The following PCDH15 variants were observed in gnomAD, a reference collection of about 807,000 sequenced individuals.
The protein encoded by PCDH15 is protocadherin related 15.
Under a neutral mutation model 178.5 loss-of-function variants are expected in PCDH15, and 129 were observed. The observed-to-expected ratio is 0.72, with a 90% confidence interval of 0.63 to 0.84. The LOEUF (loss-of-function observed/expected upper bound fraction) is 0.84. Among genes scored for constraint, PCDH15 ranks in the 40% least tolerant of loss-of-function variants. The probability of loss-of-function intolerance (pLI) is 0.00; values close to 1 mark genes in which losing one functional copy is unlikely to be tolerated. For synonymous variants in PCDH15, 800 were observed against 732.0 expected, an observed-to-expected ratio of 1.09 and a Z score of -1.50; for missense variants, 2,230 against 2,099.9, an observed-to-expected ratio of 1.06 and a Z score of -1.21.
intron 8 of PCDH15, among the ~76,000 whole-genome samples, chr10:54,291,500 CA>C (rs752495225): frequency 1.3e-5 from 2 of 152,046 alleles, no homozygotes; most frequent in African/African-American, 4.8e-5. Flanking sequence ...GATAGGGACA[CA>C]AAAAACCCTC....
intron 2 of PCDH15, among the ~76,000 whole-genome samples, chr10:54,570,794 G>A (rs1019411645): frequency 1.3e-5 from 2 of 150,840 alleles, no homozygotes; most frequent in African/African-American, 4.9e-5. Flanking sequence ...CTGGGATGCA[G>A]GCATGTGCCA....
At chr10:54,468,686 G>A (rs765410173) in intron 3 of PCDH15, among the ~76,000 whole-genome samples, 2 of 152,082 alleles carry the variant, frequency 1.3e-5, no homozygotes, top group Non-Finnish European at 2.9e-5. Flanking sequence ...CAATTTAAAG[G>A]CAATGTTTCT....
rs537194534 is a variant in PCDH15, at chr10:54,172,380, C to T, written c.1590+11064G>A. 5.3e-5 allele frequency among the ~76,000 whole-genome samples: 8 copies of T among 152,028 alleles called. No individual in the cohort carries two copies. In the East Asian group the frequency reaches 1.2e-3, roughly 22 times the overall value. ...CTTTACCTACCCAAATCCTATAAAA[C>T]GGCCCCACCCTTATCTCCCTTAGCT... On this transcript the variant is annotated intron_variant, in intron 13 of 37. Transcript: ENST00000644397.
intron 2 of PCDH15, among the ~76,000 whole-genome samples, chr10:54,934,491 C>T (rs1837856545): frequency 6.6e-6 from 1 of 152,064 alleles, no homozygotes; most frequent in South Asian, 2.1e-4. Context: ...TCCATCATCA[C>T]TGGCCATCAG....
intron 3 of PCDH15, among the ~76,000 whole-genome samples, chr10:54,464,581 A>G (rs1421017054): frequency 6.6e-6 from 1 of 152,190 alleles, no homozygotes; most frequent in Admixed American, 6.5e-5. Context: ...CCTAGACAAA[A>G]TCTATAACTA....
intron 1 of PCDH15, among the ~76,000 whole-genome samples, chr10:55,296,169 A>G (rs1041042703): frequency 6.6e-6 from 1 of 152,082 alleles, no homozygotes; most frequent in Non-Finnish European, 1.5e-5. Flanking sequence ...AAGGTGTGCT[A>G]CCCTCCCAAC....
intron 23 of PCDH15, among the ~76,000 whole-genome samples, chr10:53,944,022 G>A (rs887968807): frequency 6.6e-6 from 1 of 152,098 alleles, no homozygotes; most frequent in African/African-American, 2.4e-5. Flanking sequence ...AAATGATGGA[G>A]TTGGTATAAA....
intron 8 of PCDH15, among the ~76,000 whole-genome samples, chr10:54,315,721 G>A (rs201111585): frequency 2.0e-4 from 4 of 19,610 alleles, no homozygotes; most frequent in African/African-American, 5.6e-4. Context: ...TATAAGGAGG[G>A]GGGGGTCCAG....
intron 1 of PCDH15, among the ~76,000 whole-genome samples, chr10:54,703,483 T>C (rs950329190): frequency 2.6e-5 from 4 of 152,048 alleles, no homozygotes; most frequent in African/African-American, 9.7e-5. Context: ...GGAAACCCCA[T>C]AGTCTCTGCC....
chr10:54,700,567 A>G (rs1365231784), intron 1 of PCDH15, among the ~76,000 whole-genome samples: 2 of 152,142 alleles, frequency 1.3e-5, no homozygotes. Context: ...TAATTTCAAA[A>G]TACAATTGCA....
intron 3 of PCDH15, among the ~76,000 whole-genome samples, chr10:54,386,823 G>T (rs1949988968): frequency 1.3e-5 from 2 of 152,124 alleles, no homozygotes; most frequent in African/African-American, 4.8e-5. Flanking sequence ...AGCAAGTGTT[G>T]GCGAGGATGT....
chr10:54,984,505 T>A (rs1358612279), intron 2 of PCDH15, among the ~76,000 whole-genome samples: 1 of 152,178 alleles, frequency 6.6e-6, no homozygotes, highest in African/African-American at 2.4e-5. Context: ...TCACATTTTC[T>A]ACATGGCTGT....
chr10:55,464,200 G>A (rs893531730), intron 2 of PCDH15, among the ~76,000 whole-genome samples: 2 of 152,054 alleles, frequency 1.3e-5, no homozygotes, highest in African/African-American at 4.8e-5. Flanking sequence ...ATCACTAAGT[G>A]TACTAGGGAC....
At chr10:55,172,487 T>C (rs912852976) in intron 1 of PCDH15, among the ~76,000 whole-genome samples, 2 of 151,980 alleles carry the variant, frequency 1.3e-5, no homozygotes, top group Admixed American at 6.6e-5. Flanking sequence ...GAAAGCTTAC[T>C]ATTTTGCATA....
chr10:54,698,372 T>G (rs1349717174), intron 1 of PCDH15, among the ~76,000 whole-genome samples: 1 of 152,144 alleles, frequency 6.6e-6, no homozygotes, highest in Admixed American at 6.6e-5. Context: ...GACAGAATGT[T>G]GCCTTGGGTT....
chr10:54,010,726 A>G (rs1269087077), intron 20 of PCDH15, among the ~76,000 whole-genome samples: 5 of 152,076 alleles, frequency 3.3e-5, no homozygotes, highest in Non-Finnish European at 7.4e-5. Flanking sequence ...GCCACTATGC[A>G]GGAACTCCAG....
chr10:54,451,319 G>A (rs1589474749), intron 3 of PCDH15, among the ~76,000 whole-genome samples: 1 of 151,780 alleles, frequency 6.6e-6, no homozygotes, highest in African/African-American at 2.4e-5. Flanking sequence ...AATAATGCAT[G>A]AAAGTCTATA....
At chr10:53,864,723 G>A (rs536417746) in intron 27 of PCDH15, among the ~76,000 whole-genome samples, 27 of 152,216 alleles carry the variant, frequency 1.8e-4, no homozygotes, top group African/African-American at 4.3e-4. Flanking sequence ...TTGCAGTGTT[G>A]CAGTGAGCCA....
intron 8 of PCDH15, among the ~76,000 whole-genome samples, chr10:54,239,432 T>TATATATATATAGAGAGAGAG (rs1554853331): frequency 2.7e-5 from 4 of 150,560 alleles, no homozygotes; most frequent in African/African-American, 7.3e-5. Flanking sequence ...TATATATATA[T>TATATATATATAGAGAGAGAG]AGAGTAAGAA....
Sources: gnomAD v4.1 joint callset for allele counts (sites outside exome capture counted in the v4.1 genomes callset) on GRCh38, gnomAD v4.1.1 for gene constraint, MANE v1.5 for transcripts, NCBI Gene and HGNC (gene_info 2026-07-23, HGNC 2026-07-21) for gene names.